NRG1: variants seen among roughly 807,000 people sequenced by gnomAD.
The protein encoded by NRG1 is neuregulin 1.
In NRG1, 18 loss-of-function variants were observed where a neutral mutation model predicts 63.8. The ratio of observed to expected loss-of-function variants is 0.28; its 90% CI spans 0.19 to 0.42. The LOEUF is 0.42. Among genes scored for constraint, NRG1 ranks in the 10% least tolerant of loss-of-function variants. The probability of loss-of-function intolerance (pLI) is 1.00; values close to 1 mark genes in which losing one functional copy is unlikely to be tolerated. For synonymous variants in NRG1, 302 were observed against 301.3 expected, an observed-to-expected ratio of 1.00 and a Z score of -0.02; for missense variants, 762 against 814.7, an observed-to-expected ratio of 0.94 and a Z score of 0.79.
At chr8:32,187,662 C>G (rs1440325146) in intron 1 of NRG1, among the ~76,000 whole-genome samples, 1 of 151,842 alleles carries the variant, frequency 6.6e-6, no homozygotes, top group Non-Finnish European at 1.5e-5. Flanking sequence ...AGTCACTTCA[C>G]TATCAAGAAA....
chr8:31,653,993 T>G (rs901824282), intron 1 of NRG1, among the ~76,000 whole-genome samples: 1 of 151,976 alleles, frequency 6.6e-6, no homozygotes, highest in African/African-American at 2.4e-5. Context: ...TAAAAATGGC[T>G]GATAAAGCTG....
intron 1 of NRG1, among the ~76,000 whole-genome samples, chr8:32,103,648 G>T (rs1234763896): frequency 1.3e-5 from 2 of 152,142 alleles, no homozygotes; most frequent in African/African-American, 2.4e-5. Context: ...TACATTCCTA[G>T]TGGCTTTCTA....
At position 32,180,466 on chromosome 8, in the gene NRG1, T is replaced by C. The variant is rs1262495159; in HGVS notation, c.38-415362T>C. Among the ~76,000 whole-genome samples the C allele has an allele frequency of 7.9e-5, 12 of 152,168 alleles. No homozygotes were observed. The East Asian group carries it at 2.1e-3, about 27-fold the overall frequency. On this transcript the variant is annotated intron_variant, in intron 1 of 10. Transcript: ENST00000519301. ...TTGAAAAATAGCTTAAATATTTTAA[T>C]AATTGTGATATAGTAATAAATGAAC...
At chr8:32,417,024 C>T (rs4733329) in intron 1 of NRG1, among the ~76,000 whole-genome samples, 136,909 of 152,176 alleles carry the variant, frequency 0.9, 61,720 homozygotes, top group East Asian at 1. Context: ...ATTTGAATAT[C>T]CTGGTGAGAG....
At chr8:32,661,946 T>C (rs1278400867) in intron 5 of NRG1, among the ~76,000 whole-genome samples, 1 of 152,126 alleles carries the variant, frequency 6.6e-6, no homozygotes, top group Non-Finnish European at 1.5e-5. Flanking sequence ...GATAGATTAG[T>C]AGGGTGACCA....
intron 1 of NRG1, among the ~76,000 whole-genome samples, chr8:31,717,234 C>CT (rs1366269672): frequency 2.0e-5 from 3 of 151,736 alleles, no homozygotes. Flanking sequence ...TGGTGAAACC[C>CT]TGTGTCTACT....
chr8:32,656,942 GT>G (rs1801641653), intron 5 of NRG1, among the ~76,000 whole-genome samples: 2 of 152,016 alleles, frequency 1.3e-5, no homozygotes, highest in African/African-American at 4.8e-5. Flanking sequence ...TAGTGTTTGA[GT>G]TGCATTTCAT....
intron 1 of NRG1, among the ~76,000 whole-genome samples, chr8:32,252,236 T>A (rs1849196663): frequency 6.6e-6 from 1 of 152,176 alleles, no homozygotes; most frequent in Non-Finnish European, 1.5e-5. Context: ...TTTGTTGCCA[T>A]TGCTTTTGGT....
intron 1 of NRG1, among the ~76,000 whole-genome samples, chr8:32,347,345 C>T (rs1805043998): frequency 6.6e-6 from 1 of 152,164 alleles, no homozygotes; most frequent in Non-Finnish European, 1.5e-5. Context: ...TGATTTCACG[C>T]TCTATGGAGA....
chr8:31,933,676 A>G (rs1044182294), intron 1 of NRG1, among the ~76,000 whole-genome samples: 1 of 152,206 alleles, frequency 6.6e-6, no homozygotes, highest in Non-Finnish European at 1.5e-5. Context: ...TAAGATTCAG[A>G]ACAAAATCAT....
chr8:31,724,568 T>C (rs1200460162), intron 1 of NRG1, among the ~76,000 whole-genome samples: 1 of 152,056 alleles, frequency 6.6e-6, no homozygotes, highest in Non-Finnish European at 1.5e-5. Flanking sequence ...TTTATGCAAA[T>C]TACTTTTGGT....
At chr8:32,371,992 A>ATTTTTTTTTTTTTTTTTTTTTTTTT (rs60780562) in intron 1 of NRG1, among the ~76,000 whole-genome samples, 1 of 129,420 alleles carries the variant, frequency 7.7e-6, no homozygotes. Context: ...CTTCTTCTTC[A>ATTTTTTTTTTTTTTTTTTTTTTTTT]TTTTTTTTTT....
At chr8:32,223,959 G>T (rs1220652032) in intron 1 of NRG1, among the ~76,000 whole-genome samples, 1 of 152,172 alleles carries the variant, frequency 6.6e-6, no homozygotes. Context: ...GTTCACTGTG[G>T]CCTGGAAGGA....
chr8:32,428,342 C>CTTT (rs11415830), intron 1 of NRG1, among the ~76,000 whole-genome samples: 7 of 147,022 alleles, frequency 4.8e-5, no homozygotes, highest in African/African-American at 1.5e-4. Flanking sequence ...TGAGTGAATT[C>CTTT]TTTTTTTTTT....
intron 1 of NRG1, among the ~76,000 whole-genome samples, chr8:32,498,132 T>C (rs1193465477): frequency 6.6e-6 from 1 of 152,118 alleles, no homozygotes; most frequent in Admixed American, 6.5e-5. Flanking sequence ...CCCACAATTT[T>C]ATTAATATTT....
intron 5 of NRG1, among the ~76,000 whole-genome samples, chr8:32,708,017 A>G (rs560278527): frequency 4.6e-5 from 7 of 152,030 alleles, no homozygotes; most frequent in Non-Finnish European, 1.0e-4. Context: ...ATAATCTGTA[A>G]AACAAAATAA....
chr8:32,391,383 T>G (rs1811752820), intron 1 of NRG1, among the ~76,000 whole-genome samples: 1 of 152,142 alleles, frequency 6.6e-6, no homozygotes, highest in African/African-American at 2.4e-5. Flanking sequence ...TATTTTAGGT[T>G]CAGTGATACA....
intron 1 of NRG1, among the ~76,000 whole-genome samples, chr8:31,746,541 T>C (rs932620156): frequency 6.6e-6 from 1 of 151,986 alleles, no homozygotes; most frequent in African/African-American, 2.4e-5. Flanking sequence ...ACAAATACTT[T>C]ATCTTGCTCT....
intron 1 of NRG1, among the ~76,000 whole-genome samples, chr8:32,371,576 C>T (rs1417633655): frequency 6.6e-6 from 1 of 151,944 alleles, no homozygotes; most frequent in African/African-American, 2.4e-5. Context: ...TGGAGGTGGT[C>T]AAGTGACTAA....
Sources: allele counts gnomAD v4.1 joint callset (sites outside exome capture counted in the v4.1 genomes callset), GRCh38; gene constraint gnomAD v4.1.1; transcripts MANE v1.5; gene names NCBI Gene and HGNC (gene_info 2026-07-23, HGNC 2026-07-21).